The following EMSY variants were observed in gnomAD, a reference collection of about 807,000 sequenced individuals.
The protein encoded by EMSY is EMSY transcriptional repressor, BRCA2 interacting, also known as BRCA2-interacting transcriptional repressor EMSY.
In EMSY, 26 loss-of-function variants were observed where a neutral mutation model predicts 134.6. That is an observed-to-expected ratio of 0.19 (90% CI 0.14 to 0.27). EMSY has a LOEUF of 0.27. EMSY is among the 10% of genes least tolerant of loss of function. EMSY has a pLI of 1.00. For missense variants in EMSY, 1,305 were observed against 1,611.4 expected (o/e 0.81, Z 3.26); for synonymous variants, 579 against 577.8 (o/e 1.00, Z -0.03).
At chr11:76,502,313 C>T (rs1438367880) in intron 9 of EMSY, among the ~76,000 whole-genome samples, 1 of 43,144 alleles carries the variant, frequency 2.3e-5, no homozygotes, top group Non-Finnish European at 4.5e-5. Flanking sequence ...AAAAAAAAAG[C>T]ATCCAGATTG....
At chr11:76,532,088 C>G (rs1951062551) in intron 14 of EMSY, among the ~76,000 whole-genome samples, 1 of 152,166 alleles carries the variant, frequency 6.6e-6, no homozygotes, top group South Asian at 2.1e-4. Flanking sequence ...TCTTTTAACA[C>G]TGACAATTTT....
chr11:76,464,525 G>A (rs915369802), intron 7 of EMSY, among the ~76,000 whole-genome samples: 6 of 152,102 alleles, frequency 3.9e-5, no homozygotes, highest in Admixed American at 3.3e-4. Flanking sequence ...TAAATTCTTT[G>A]TATGCTGTTA....
At chr11:76,536,088 A>G in intron 15 of EMSY, 29 bp downstream of exon 16, 1 of 1,433,166 alleles carries the variant, frequency 7.0e-7, no homozygotes, top group African/African-American at 1.4e-5. Flanking sequence ...AATTGAATGA[A>G]GCATGTTTTC....
intron 9 of EMSY, among the ~76,000 whole-genome samples, chr11:76,500,826 A>G (rs976153683): frequency 2.6e-5 from 4 of 152,250 alleles, no homozygotes; most frequent in Non-Finnish European, 4.4e-5. Flanking sequence ...AGACTTCACT[A>G]AAATAACTGA....
At chr11:76,476,691 T>C (rs1230242639) in intron 8 of EMSY, among the ~76,000 whole-genome samples, 2 of 152,188 alleles carry the variant, frequency 1.3e-5, no homozygotes, top group East Asian at 3.8e-4. Context: ...CATTAGTCTT[T>C]AATAGTGTCC....
chr11:76,474,661 G>A (rs1391484102), intron 8 of EMSY, among the ~76,000 whole-genome samples: 1 of 152,150 alleles, frequency 6.6e-6, no homozygotes, highest in Non-Finnish European at 1.5e-5. Flanking sequence ...ATGACAAGAA[G>A]TAGCAGTCTT....
intron 14 of EMSY, 36 bp downstream of exon 15, chr11:76,528,502 T>A (rs2136373469): frequency 6.7e-7 from 1 of 1,496,758 alleles, no homozygotes; most frequent in Non-Finnish European, 9.2e-7. Context: ...ATATAAGTAC[T>A]ACTGACATAG....
chr11:76,476,061 A>G (rs1297760287), intron 8 of EMSY, among the ~76,000 whole-genome samples: 2 of 152,184 alleles, frequency 1.3e-5, no homozygotes, highest in East Asian at 1.9e-4. Context: ...AGAGTTTCCC[A>G]TAGTCTGGAT....
chr11:76,457,829 A>G (rs1446522007), intron 4 of EMSY, among the ~76,000 whole-genome samples: 1 of 152,210 alleles, frequency 6.6e-6, no homozygotes, highest in Non-Finnish European at 1.5e-5. Context: ...TGTTAATTAT[A>G]AAATTAACTT....
intron 8 of EMSY, among the ~76,000 whole-genome samples, chr11:76,483,536 C>T (rs1949063728): frequency 6.6e-6 from 1 of 151,686 alleles, no homozygotes; most frequent in Admixed American, 6.6e-5. Flanking sequence ...CACATAGGCT[C>T]AAAATAAAGG....
In EMSY at chr11:76,537,322, A is replaced by C. The variant is rs574548447; in HGVS notation, c.2360-473A>C. 1.8e-4 allele frequency among the ~76,000 whole-genome samples: 27 copies of C among 152,350 alleles called. No homozygotes were observed. In the South Asian group the frequency reaches 2.5e-3, roughly 14 times the overall value. ...TAAAAGTTGTTGAAGACATTGTAAC[A>C]TTCCTTTGGAGATATCTTGAATTTT... On this transcript the variant is annotated intron_variant, in intron 15 of 20. Coordinates refer to ENST00000334736, the Ensembl canonical transcript of EMSY.
intron 11 of EMSY, among the ~76,000 whole-genome samples, chr11:76,519,587 A>G (rs1309615648): frequency 1.3e-5 from 2 of 152,174 alleles, no homozygotes; most frequent in African/African-American, 2.4e-5. Context: ...GAAAGGAGCT[A>G]TTGTTTTTGC....
chr11:76,449,765 G>A (rs1947576923), intron 2 of EMSY, among the ~76,000 whole-genome samples: 1 of 152,136 alleles, frequency 6.6e-6, no homozygotes, highest in East Asian at 1.9e-4. Flanking sequence ...TCTTCCATGT[G>A]TGAACTAAAA....
chr11:76,473,739 C>T (rs1446547853), intron 8 of EMSY, among the ~76,000 whole-genome samples: 1 of 152,050 alleles, frequency 6.6e-6, no homozygotes, highest in Non-Finnish European at 1.5e-5. Context: ...CCTGTAATCC[C>T]AGCACTTTGG....
intron 18 of EMSY, 57 bp from the exon 20 acceptor site, chr11:76,544,202 T>C: frequency 6.8e-7 from 1 of 1,474,374 alleles, no homozygotes; most frequent in Non-Finnish European, 9.2e-7. Flanking sequence ...AAGAGGAAAA[T>C]GTAGCAATGT....
intron 2 of EMSY, among the ~76,000 whole-genome samples, chr11:76,448,953 GCTTC>G (rs1947537864): frequency 1.3e-5 from 2 of 152,044 alleles, no homozygotes. Context: ...CTAGATAAAT[GCTTC>G]CTTCTCTCTG....
chr11:76,549,469 C>G (rs1951768910), intron 20 of EMSY, among the ~76,000 whole-genome samples: 1 of 151,612 alleles, frequency 6.6e-6, no homozygotes, highest in Admixed American at 6.6e-5. Context: ...TGGTACTCGT[C>G]TTGCAGATAA....
At chr11:76,489,643 C>A (rs1476947404) in intron 8 of EMSY, among the ~76,000 whole-genome samples, 2 of 143,524 alleles carry the variant, frequency 1.4e-5, no homozygotes, top group South Asian at 2.2e-4. Context: ...CTTGCTCTAT[C>A]GCCCAGGCTG....
At chr11:76,524,826 C>A (rs1353392819) in intron 12 of EMSY, among the ~76,000 whole-genome samples, 2 of 152,154 alleles carry the variant, frequency 1.3e-5, no homozygotes, top group African/African-American at 2.4e-5. Flanking sequence ...GAGTTTGAGA[C>A]CAGCCTGAGC....
Sources: gnomAD v4.1 joint callset for allele counts (sites outside exome capture counted in the v4.1 genomes callset) on GRCh38, gnomAD v4.1.1 for gene constraint, MANE v1.5 for transcripts, NCBI Gene and HGNC (gene_info 2026-07-23, HGNC 2026-07-21) for gene names.